Variants in DOCK4 observed in about 807,000 individuals in gnomAD.
The protein encoded by DOCK4 is dedicator of cytokinesis 4.
Under a neutral mutation model 268.1 loss-of-function variants are expected in DOCK4, and 97 were observed. The observed-to-expected ratio is 0.36, with a 90% CI of 0.31 to 0.43. DOCK4 has a LOEUF of 0.43. Among genes scored for constraint, DOCK4 ranks in the 20% least tolerant of loss-of-function variants. DOCK4 has a pLI of 1.00. For synonymous variants in DOCK4, 954 were observed against 887.2 expected (o/e 1.08, Z -1.34); for missense variants, 2,145 against 2,455.7 (o/e 0.87, Z 2.67).
chr7:111,935,744 C>A, intron 11 of DOCK4, 116 bp from the exon 12 acceptor site: 5 of 816,916 alleles, frequency 6.1e-6, no homozygotes, highest in Non-Finnish European at 9.8e-6. Context: ...CTTGAGGTCC[C>A]CATCAACCTG....
intron 1 of DOCK4, among the ~76,000 whole-genome samples, chr7:112,128,827 T>C (rs1290469062): frequency 1.1e-4 from 17 of 152,174 alleles, no homozygotes; most frequent in African/African-American, 3.4e-4. Flanking sequence ...CTTTGTTCAC[T>C]TGTTTATCTG....
intron 8 of DOCK4, among the ~76,000 whole-genome samples, chr7:111,960,926 C>T (rs1441955509): frequency 1.3e-5 from 2 of 152,154 alleles, no homozygotes; most frequent in Non-Finnish European, 2.9e-5. Context: ...ATCCATTCAT[C>T]TGTTGATGGA....
chr7:111,732,170 T>G, intron 52 of DOCK4, 56 bp downstream of exon 52: 1 of 1,563,868 alleles, frequency 6.4e-7, no homozygotes, highest in African/African-American at 1.4e-5. Flanking sequence ...GGATGAGTCT[T>G]AGAGAAAAAG....
At chr7:112,054,462 G>A (rs1196149106) in intron 1 of DOCK4, among the ~76,000 whole-genome samples, 1 of 151,932 alleles carries the variant, frequency 6.6e-6, no homozygotes, top group Non-Finnish European at 1.5e-5. Context: ...TACTGACCTT[G>A]TAGCCAAAGA....
intron 1 of DOCK4, among the ~76,000 whole-genome samples, chr7:112,110,797 G>A (rs1235098500): frequency 6.6e-6 from 1 of 152,166 alleles, no homozygotes; most frequent in African/African-American, 2.4e-5. Flanking sequence ...CACTGCTTGG[G>A]GAAGTCAGAC....
intron 23 of DOCK4, among the ~76,000 whole-genome samples, chr7:111,859,649 G>A (rs1805324670): frequency 7.0e-6 from 1 of 143,692 alleles, no homozygotes; most frequent in South Asian, 2.2e-4. Flanking sequence ...CTCACTGCAA[G>A]CTCCGCCTCC....
intron 1 of DOCK4, among the ~76,000 whole-genome samples, chr7:112,083,152 A>G (rs1475069500): frequency 1.3e-5 from 2 of 152,162 alleles, no homozygotes; most frequent in Non-Finnish European, 2.9e-5. Context: ...GCACTAAGGT[A>G]AAGTAAATTT....
rs1296128753 is a variant in DOCK4 at position 111,976,186 on chromosome 7, ACACACG to A, written c.701+940_701+945del. 8.7e-5 allele frequency among the ~76,000 whole-genome samples: 8 copies of A among 91,942 alleles called. 3 individuals carry two copies. Among genetic ancestry groups the A allele is most frequent in the African/African-American group, 4.9e-4 (8 of 16,402 alleles). 60.3% of individuals were successfully genotyped at this position (91,942 alleles called of 152,430 possible). On this transcript the variant is annotated intron_variant, in intron 8 of 52. Transcript: ENST00000428084. ...AATATATATATATATATACACACAC[ACACACG>A]CACACACGCACATATGTGTGTGTGT...
chr7:111,883,766 C>T lies in DOCK4; in HGVS notation c.1588-6580G>A, dbSNP rs115683352. 4.9e-3 allele frequency among the ~76,000 whole-genome samples: 740 copies of T among 152,228 alleles called. 10 individuals carry two copies. The highest frequency in any genetic ancestry group is 0.017 in the African/African-American group (706 of 41,532). ...CACCAAGCCTTCATTCTCACTTCTC[C>T]CCCAGCCTGGAGGGTCCAAGACCTC... On this transcript the variant is annotated intron_variant, in intron 16 of 52. Coordinates refer to ENST00000428084, the MANE Select transcript of DOCK4 (RefSeq NM_001363540.2).
rs1378581490 is a variant in DOCK4 at position 111,976,155 on chromosome 7, A to ATATATATAT, written c.701+976_701+977insATATATATA. Among the ~76,000 whole-genome samples, 471 of 73,468 alleles carry ATATATATAT rather than the reference A, an allele frequency of 6.4e-3. 24 individuals carry two copies. Among genetic ancestry groups the ATATATATAT allele is most frequent in the East Asian group, 0.038 (79 of 2,084 alleles). 48.2% of individuals were successfully genotyped at this position (73,468 alleles called of 152,430 possible). ...GACTCCATCTCAAAAAAAAAAAAAA[A>ATATATATAT]AAAAAAATATATATATATATATACA... On this transcript the variant is annotated intron_variant, in intron 8 of 52. Coordinates refer to ENST00000428084, the MANE Select transcript of DOCK4 (RefSeq NM_001363540.2).
chr7:112,152,236 G>C (rs1816161507), intron 1 of DOCK4, among the ~76,000 whole-genome samples: 1 of 152,180 alleles, frequency 6.6e-6, no homozygotes, highest in Non-Finnish European at 1.5e-5. Flanking sequence ...TTCCATGACA[G>C]AGAGTATTAG....
At chr7:111,845,878 T>A (rs768660197) in intron 24 of DOCK4, among the ~76,000 whole-genome samples, 5 of 152,190 alleles carry the variant, frequency 3.3e-5, no homozygotes, top group Non-Finnish European at 5.9e-5. Context: ...CGATTCTAAC[T>A]AGGCATAGCA....
chr7:112,009,753 C>A (rs916384242), intron 1 of DOCK4, among the ~76,000 whole-genome samples: 3 of 151,962 alleles, frequency 2.0e-5, no homozygotes, highest in African/African-American at 7.3e-5. Context: ...TGAAGAACCT[C>A]GATAAGATTT....
At chr7:111,908,795 T>G (rs1244276760) in intron 13 of DOCK4, among the ~76,000 whole-genome samples, 1 of 152,076 alleles carries the variant, frequency 6.6e-6, no homozygotes, top group Non-Finnish European at 1.5e-5. Context: ...GAGAGTTAGT[T>G]CCTGTGTTAG....
At chr7:111,812,699 CCT>C (rs760846861) in intron 27 of DOCK4, among the ~76,000 whole-genome samples, 15 of 152,292 alleles carry the variant, frequency 9.8e-5, no homozygotes, top group Non-Finnish European at 1.0e-4. Context: ...TCTGTTCTCC[CCT>C]GTTTAAGGTA....
chr7:111,991,686 G>A (rs780945197), intron 5 of DOCK4, among the ~76,000 whole-genome samples: 2 of 150,868 alleles, frequency 1.3e-5, no homozygotes, highest in Non-Finnish European at 3.0e-5. Context: ...CTGGCGCTGG[G>A]CGAGGTGGCT....
intron 13 of DOCK4, 130 bp from the exon 14 acceptor site, chr7:111,901,931 C>T: frequency 1.0e-5 from 7 of 675,546 alleles, no homozygotes; most frequent in Non-Finnish European, 1.6e-5. Flanking sequence ...AATATATTTG[C>T]ATTTTTATAA....
intron 1 of DOCK4, among the ~76,000 whole-genome samples, chr7:112,060,085 C>T (rs1403735673): frequency 6.6e-6 from 1 of 152,192 alleles, no homozygotes; most frequent in Non-Finnish European, 1.5e-5. Flanking sequence ...ACACTTTATA[C>T]TTAGGGCTGC....
intron 16 of DOCK4, among the ~76,000 whole-genome samples, chr7:111,888,304 T>C (rs1470928385): frequency 6.6e-6 from 1 of 150,616 alleles, no homozygotes; most frequent in Non-Finnish European, 1.5e-5. Flanking sequence ...CTAGGACTAT[T>C]TTTTATTTCC....
Sources: allele counts gnomAD v4.1 joint callset (sites outside exome capture counted in the v4.1 genomes callset), GRCh38; gene constraint gnomAD v4.1.1; transcripts MANE v1.5; gene names NCBI Gene and HGNC (gene_info 2026-07-23, HGNC 2026-07-21).